PRSS12: variants seen among roughly 807,000 people sequenced by gnomAD.
PRSS12 encodes serine protease 12.
Under a neutral mutation model 104.4 loss-of-function variants are expected in PRSS12, and 85 were observed. The ratio of observed to expected loss-of-function variants is 0.81; its 90% CI spans 0.68 to 0.98. The LOEUF (loss-of-function observed/expected upper bound fraction) is 0.98. PRSS12 is among the 50% of genes least tolerant of loss of function. The probability of loss-of-function intolerance (pLI) is 0.00; values close to 1 mark genes in which losing one functional copy is unlikely to be tolerated. For synonymous variants in PRSS12, 454 were observed against 425.2 expected (o/e 1.07, Z -0.83); for missense variants, 1,141 against 1,139.2 (o/e 1.00, Z -0.02).
chr4:118,295,169 G>A (rs769936150), intron 10 of PRSS12, 108 bp from the exon 11 acceptor site: 498 of 1,363,854 alleles, frequency 3.7e-4, no homozygotes, highest in Admixed American at 5.0e-4. Context: ...GCAGGTGGGG[G>A]AAAAGGAAAG....
At chr4:118,334,154 C>T (rs1724004305) in intron 3 of PRSS12, among the ~76,000 whole-genome samples, 1 of 152,096 alleles carries the variant, frequency 6.6e-6, no homozygotes, top group Non-Finnish European at 1.5e-5. Flanking sequence ...ATTTAATCTA[C>T]CACGAGAGAA....
chr4:118,295,743 G>A, intron 10 of PRSS12, 35 bp downstream of exon 10: 1 of 1,555,954 alleles, frequency 6.4e-7, no homozygotes, highest in Non-Finnish European at 8.9e-7. Flanking sequence ...AAATAATTCT[G>A]TAATATAAAA....
chr4:118,280,615 AT>A lies in PRSS12; in HGVS notation c.*1320del, dbSNP rs1742819987. The stretch of plus-strand genomic sequence containing the variant: ...AAGTTCATGCTAACCTCTTCCCTAT[AT>A]TTATACTACTGGGACCTGGGGAAGG... On this transcript the variant is annotated 3_prime_UTR_variant, in exon 13 of 13. Coordinates refer to ENST00000296498, the MANE Select transcript of PRSS12 (RefSeq NM_003619.4). The A allele has an allele frequency of 6.6e-6, 1 of 152,200 alleles. No individual in the cohort carries two copies. Among genetic ancestry groups the A allele is most frequent in the African/African-American group, 2.4e-5 (1 of 41,448 alleles). The allele number at this position is 152,200 out of a possible 1,614,324, so 9.4% of individuals were successfully genotyped here.
rs923733094 is a variant in PRSS12, at chr4:118,333,344, C to T, written c.821-1478G>A. On this transcript the variant is annotated intron_variant, in intron 3 of 12. Transcript: ENST00000296498. ...TTCCACAGTTGTAGCAGTCAGTAAA[C>T]GGCATTTGGATATTCACACTTAAAT... 2.6e-5 allele frequency among the ~76,000 whole-genome samples: 4 copies of T among 152,106 alleles called. No homozygotes were observed. In the South Asian group the frequency reaches 6.2e-4, roughly 24 times the overall value.
chr4:118,346,361 A>G (rs1271735171), intron 1 of PRSS12, among the ~76,000 whole-genome samples: 1 of 151,306 alleles, frequency 6.6e-6, no homozygotes, highest in African/African-American at 2.4e-5. Flanking sequence ...TTTCTTCCAA[A>G]TCTTCCAAAA....
chr4:118,338,026 G>T, intron 2 of PRSS12, 150 bp downstream of exon 2: 2 of 968,098 alleles, frequency 2.1e-6, no homozygotes, highest in South Asian at 3.0e-5. Flanking sequence ...TTCCATTTGG[G>T]GCCCTTTCTT....
At position 118,289,494 on chromosome 4, in the gene PRSS12, T is replaced by C. The variant is rs186792987; in HGVS notation, c.2039+5445A>G. Among the ~76,000 whole-genome samples, 54 of 152,292 alleles carry C rather than the reference T, an allele frequency of 3.5e-4. 1 individual carries two copies. Among genetic ancestry groups the C allele is most frequent in the Admixed American group, 2.1e-3 (32 of 15,300 alleles). On this transcript the variant is annotated intron_variant, in intron 11 of 12. Transcript: ENST00000296498. ...ATAGGCCTTATATTAAACTAAGGTA[T>C]CTTTCACCTGGCATCTAAAAGGACA...
At chr4:118,350,345 T>C (rs928758216) in intron 1 of PRSS12, among the ~76,000 whole-genome samples, 1 of 152,192 alleles carries the variant, frequency 6.6e-6, no homozygotes. Context: ...CTAATTGAAA[T>C]GTAGGACCAA....
At chr4:118,304,200 A>G (rs1324460309) in intron 8 of PRSS12, among the ~76,000 whole-genome samples, 1 of 151,700 alleles carries the variant, frequency 6.6e-6, no homozygotes, top group Non-Finnish European at 1.5e-5. Context: ...ATGTGTGTGT[A>G]TATATACATA....
chr4:118,293,030 T>C (rs982158786), intron 11 of PRSS12, among the ~76,000 whole-genome samples: 12 of 150,772 alleles, frequency 8.0e-5, no homozygotes, highest in Non-Finnish European at 1.8e-4. Flanking sequence ...ATAATAATAA[T>C]AATAATAAAT....
At position 118,282,072 on chromosome 4, in the gene PRSS12, C is replaced by A. The variant is rs747524139; in HGVS notation, c.2492G>T (p.Cys831Phe). The A allele has an allele frequency of 1.2e-6, 2 of 1,614,104 alleles. No individual in the cohort carries two copies. Among genetic ancestry groups the A allele is most frequent in the Non-Finnish European group, 8.5e-7 (1 of 1,180,046 alleles). Reference protein sequence around the residue: ...CQGDSGGPLMCERPGESWVVY... With the variant: ...CQGDSGGPLMFERPGESWVVY... The stretch of plus-strand genomic sequence containing the variant: ...CACCCAGCTCTCTCCGGGCCGTTCA[C>A]ACATGAGTGGTCCTCCGCTGTCTCC... The change falls in exon 13 of 13, where the codon TGT (cysteine) becomes TTT (phenylalanine). Residue 831 changes from cysteine (C) to phenylalanine (F), a missense_variant. Cys to Phe is a radical substitution (Grantham distance 205). Transcript: ENST00000296498.
intron 1 of PRSS12, among the ~76,000 whole-genome samples, chr4:118,343,128 C>G (rs1028535033): frequency 6.6e-6 from 1 of 152,292 alleles, no homozygotes; most frequent in South Asian, 2.1e-4. Context: ...GTGCCTCACA[C>G]CTGTAATCCC....
intron 11 of PRSS12, among the ~76,000 whole-genome samples, chr4:118,290,214 T>C (rs1392284375): frequency 6.6e-6 from 1 of 151,870 alleles, no homozygotes; most frequent in African/African-American, 2.4e-5. Context: ...TGTAAACAAA[T>C]AAATCCAAAA....
intron 4 of PRSS12, among the ~76,000 whole-genome samples, chr4:118,328,796 TC>T (rs1395766286): frequency 9.2e-5 from 14 of 152,076 alleles, no homozygotes; most frequent in African/African-American, 3.4e-4. Context: ...GCTAATTTTT[TC>T]TTTTTCCTTT....
intron 8 of PRSS12, among the ~76,000 whole-genome samples, chr4:118,305,694 G>A (rs1263297150): frequency 1.3e-5 from 2 of 152,044 alleles, no homozygotes; most frequent in African/African-American, 4.8e-5. Flanking sequence ...AACATATTTT[G>A]AAGTATATAG....
intron 8 of PRSS12, among the ~76,000 whole-genome samples, chr4:118,299,603 C>T (rs755147575): frequency 2.0e-5 from 3 of 151,180 alleles, no homozygotes; most frequent in Non-Finnish European, 2.9e-5. Context: ...TCACTTGAAC[C>T]GAAGAGGCGG....
chr4:118,298,901 C>G lies in PRSS12; in HGVS notation c.1669G>C (p.Glu557Gln). ...ARARTMAYFGEGKGPIHVDNV... is the reference protein window; with the variant it reads ...ARARTMAYFGQGKGPIHVDNV... ...TCCACATGGATGGGTCCTTTTCCTTCTCCAAAGTAAGCCATGGTTCTTGCT... is the reference window on the plus strand; with the variant it reads ...TCCACATGGATGGGTCCTTTTCCTTGTCCAAAGTAAGCCATGGTTCTTGCT... The change falls in exon 9 of 13, where the codon GAA (glutamate) becomes CAA (glutamine). Residue 557 changes from glutamate (E) to glutamine (Q), a missense_variant. Transcript: ENST00000296498. The G allele has an allele frequency of 6.2e-7, 1 of 1,614,206 alleles. No homozygotes were observed. Among genetic ancestry groups the G allele is most frequent in the Non-Finnish European group, 8.5e-7 (1 of 1,180,040 alleles).
Position 118,327,153 on chromosome 4 carries a change from GA to G in PRSS12, c.971+4562del, listed in dbSNP as rs200684787. ...ATGAACCGTAAAATAAAAGAGCAAA[GA>G]AAAAAAATTTTTTTTTTTGAAACAG... On this transcript the variant is annotated intron_variant, in intron 4 of 12. Transcript: ENST00000296498. 8.4e-4 allele frequency among the ~76,000 whole-genome samples: 127 copies of G among 151,878 alleles called. 1 individual carries two copies. The East Asian group carries it at 0.02, about 23-fold the overall frequency.
At chr4:118,299,726 TAAAATAAAATA>T (rs1743346648) in intron 8 of PRSS12, among the ~76,000 whole-genome samples, 1 of 60,802 alleles carries the variant, frequency 1.6e-5, no homozygotes, top group African/African-American at 5.1e-5. Flanking sequence ...TAAAATAAAA[TAAAATAAAATA>T]AAATAAAATA....
Sources: allele counts gnomAD v4.1 joint callset (sites outside exome capture counted in the v4.1 genomes callset), GRCh38; gene constraint gnomAD v4.1.1; transcripts MANE v1.5; gene names NCBI Gene and HGNC (gene_info 2026-07-23, HGNC 2026-07-21).